The following UBR1 variants were observed in gnomAD, a reference collection of about 807,000 sequenced individuals.
The protein encoded by UBR1 is ubiquitin protein ligase E3 component n-recognin 1.
UBR1 carries 102 observed loss-of-function variants against 242.1 expected under a neutral mutation model. That is an observed-to-expected ratio of 0.42 (90% CI 0.36 to 0.50). The LOEUF (loss-of-function observed/expected upper bound fraction) is 0.50, where lower values mean the gene tolerates loss of function less well. Among genes scored for constraint, UBR1 ranks in the 20% least tolerant of loss-of-function variants. UBR1 has a pLI of 0.01. For missense variants in UBR1, 1,772 were observed against 2,101.8 expected (o/e 0.84, Z 3.07); for synonymous variants, 675 against 684.8 (o/e 0.99, Z 0.22).
chr15:43,054,646 G>T, intron 12 of UBR1, 96 bp downstream of exon 12: 1 of 1,400,506 alleles, frequency 7.1e-7, no homozygotes, highest in Non-Finnish European at 1.0e-6. Context: ...AGAGAATTCT[G>T]GATAACCAAA....
chr15:42,978,589 A>C (rs889031927), intron 37 of UBR1, among the ~76,000 whole-genome samples: 2 of 152,226 alleles, frequency 1.3e-5, no homozygotes. Context: ...TGTTTATATA[A>C]AAATGAAGGA....
intron 1 of UBR1, 108 bp from the exon 2 acceptor site, chr15:43,086,348 A>G (rs2034035955): frequency 2.9e-6 from 4 of 1,359,926 alleles, no homozygotes; most frequent in Non-Finnish European, 4.0e-6. Flanking sequence ...TTTACAGTAT[A>G]TTTCATCTTT....
intron 6 of UBR1, among the ~76,000 whole-genome samples, chr15:43,060,511 A>G (rs2033670634): frequency 6.6e-6 from 1 of 152,194 alleles, no homozygotes; most frequent in African/African-American, 2.4e-5. Flanking sequence ...CTTGTGGCCC[A>G]TTAACGAGCG....
intron 6 of UBR1, among the ~76,000 whole-genome samples, chr15:43,064,967 G>A (rs953687693): frequency 6.6e-6 from 1 of 152,114 alleles, no homozygotes; most frequent in Admixed American, 6.5e-5. Flanking sequence ...TGTCTTTTAA[G>A]GTCTTTGTGA....
intron 5 of UBR1, among the ~76,000 whole-genome samples, chr15:43,068,670 G>A (rs2033785785): frequency 6.6e-6 from 1 of 152,094 alleles, no homozygotes; most frequent in Admixed American, 6.6e-5. Context: ...ACCCAGGCTG[G>A]AGTACGGTGG....
intron 17 of UBR1, 106 bp downstream of exon 17, chr15:43,037,667 G>T: frequency 1.1e-6 from 1 of 916,264 alleles, no homozygotes; most frequent in East Asian, 2.6e-5. Flanking sequence ...CAAGAGAATA[G>T]TAACATACAC....
chr15:42,947,272 A>G (rs962216746), intron 46 of UBR1, among the ~76,000 whole-genome samples: 3 of 152,248 alleles, frequency 2.0e-5, no homozygotes, highest in Non-Finnish European at 2.9e-5. Context: ...GGTTGATTAC[A>G]AACAATAGAA....
chr15:43,082,206 G>C (rs1307752346), intron 3 of UBR1, among the ~76,000 whole-genome samples: 1 of 151,714 alleles, frequency 6.6e-6, no homozygotes, highest in Non-Finnish European at 1.5e-5. Context: ...TTAACAGTAA[G>C]TGTATGTTCG....
At chr15:43,071,148 A>G (rs2033819395) in intron 4 of UBR1, among the ~76,000 whole-genome samples, 1 of 152,218 alleles carries the variant, frequency 6.6e-6, no homozygotes, top group African/African-American at 2.4e-5. Context: ...AGGCAGAACC[A>G]TGAAGTCTCC....
Position 43,023,289 on chromosome 15 carries a change from A to G in UBR1, c.2740-488T>C, listed in dbSNP as rs184767451. ...ACAGAAAGAGAAATGATGAATACAC[A>G]TATGAAAAATGTTCAACCTGGCCCG... On this transcript the variant is annotated intron_variant, in intron 25 of 46. Coordinates refer to ENST00000290650, the MANE Select transcript of UBR1 (RefSeq NM_174916.3). Among the ~76,000 whole-genome samples the G allele has an allele frequency of 6.6e-5, 10 of 152,262 alleles. No individual in the cohort carries two copies. In the East Asian group the frequency reaches 1.7e-3, roughly 26 times the overall value.
At chr15:43,010,818 CAAAAAAAA>C (rs768275252) in intron 29 of UBR1, among the ~76,000 whole-genome samples, 2 of 56,972 alleles carry the variant, frequency 3.5e-5, no homozygotes, top group Non-Finnish European at 6.6e-5. Context: ...ACTAAAAATA[CAAAAAAAA>C]AAAAAAAAAA....
chr15:42,960,819 A>G, intron 42 of UBR1, 118 bp from the exon 43 acceptor site: 2 of 1,052,348 alleles, frequency 1.9e-6, no homozygotes, highest in Non-Finnish European at 2.8e-6. Flanking sequence ...CCCAGGCTGG[A>G]GTACAGTGGC....
intron 39 of UBR1, among the ~76,000 whole-genome samples, chr15:42,975,360 T>G (rs1320415208): frequency 5.3e-5 from 8 of 152,230 alleles, no homozygotes; most frequent in Non-Finnish European, 1.0e-4. Flanking sequence ...TCATTCCTTT[T>G]TAAAACTGCA....
At chr15:43,014,594 G>A (rs930915390) in intron 29 of UBR1, among the ~76,000 whole-genome samples, 16 of 150,442 alleles carry the variant, frequency 1.1e-4, no homozygotes, top group Admixed American at 7.9e-4. Context: ...GGTGAGGAGC[G>A]TCTCTGCCCA....
At chr15:42,996,284 C>A (rs2032637652) in intron 33 of UBR1, among the ~76,000 whole-genome samples, 1 of 152,108 alleles carries the variant, frequency 6.6e-6, no homozygotes, top group South Asian at 2.1e-4. Context: ...GTCAACGAGG[C>A]AGGGAACATA....
Position 43,082,693 on chromosome 15 carries a change from C to A in UBR1, c.362G>T (p.Cys121Phe). 1.2e-6 allele frequency: 2 copies of A among 1,613,798 alleles called. No homozygotes were observed. The highest frequency in any genetic ancestry group is 1.7e-6 in the Non-Finnish European group (2 of 1,179,844). ...CTGGAAGCAGTCCATACAGAGTACA[C>A]ATGTTGGATCAATTGCACAATCCCT... ...SCRDCAIDPT[C>F]VLCMDCFQDS... is the part of the protein sequence containing the mutation. Residue 121 changes from cysteine (C) to phenylalanine (F), a missense_variant, in exon 3 of 47, where the codon TGT becomes TTT. Physicochemically the swap from Cys to Phe is radical, Grantham distance 205 (BLOSUM62 -2). This residue lies in a region of UBR1 where 734 missense variants were observed against 893.3 expected (regional missense o/e 0.82). Coordinates refer to ENST00000290650, the MANE Select transcript of UBR1 (RefSeq NM_174916.3).
Position 43,004,450 on chromosome 15 carries a change from C to T in UBR1, c.3416-520G>A, listed in dbSNP as rs546577267. On this transcript the variant is annotated intron_variant, in intron 30 of 46. Transcript: ENST00000290650. ...GAAAGCCGAGGCTGGACTGTACTGCCGCCATCTCGGCTCACTGCAACCTCC... is the reference window on the plus strand; with the variant it reads ...GAAAGCCGAGGCTGGACTGTACTGCTGCCATCTCGGCTCACTGCAACCTCC... Among the ~76,000 whole-genome samples the T allele has an allele frequency of 1.7e-4, 26 of 152,292 alleles. No homozygotes were observed. The East Asian group carries it at 3.5e-3, about 20-fold the overall frequency.
chr15:43,099,484 T>C (rs1407548382), intron 1 of UBR1, among the ~76,000 whole-genome samples: 2 of 152,214 alleles, frequency 1.3e-5, no homozygotes, highest in African/African-American at 4.8e-5. Flanking sequence ...AGAAATATTC[T>C]ATAACCTGAT....
chr15:43,054,463 G>C (rs914031905), intron 12 of UBR1, among the ~76,000 whole-genome samples: 4 of 152,146 alleles, frequency 2.6e-5, no homozygotes, highest in African/African-American at 9.7e-5. Context: ...GAAAAGTATG[G>C]TAATTACAAT....
Sources: gnomAD v4.1 joint callset for allele counts (sites outside exome capture counted in the v4.1 genomes callset) on GRCh38, gnomAD v4.1.1 for gene constraint, gnomAD v4.1.1 regional missense constraint, MANE v1.5 for transcripts, NCBI Gene and HGNC (gene_info 2026-07-23, HGNC 2026-07-21) for gene names.